The following USP24 variants were observed in gnomAD, a reference collection of about 807,000 sequenced individuals.
The protein encoded by USP24 is ubiquitin carboxyl-terminal hydrolase 24.
In USP24, 97 loss-of-function variants were observed where a neutral mutation model predicts 361.6. That is an observed-to-expected ratio of 0.27 (90% CI 0.23 to 0.32). USP24 has a LOEUF of 0.32. Among genes scored for constraint, USP24 ranks in the 10% least tolerant of loss-of-function variants. The pLI is 1.00. For synonymous variants in USP24, 1,098 were observed against 1,124.6 expected (o/e 0.98, Z 0.47); for missense variants, 2,353 against 3,165.6 (o/e 0.74, Z 6.16).
In USP24 at chr1:55,134,126, G is replaced by A; in HGVS notation, c.3325C>T (p.Pro1109Ser). ...LRVRKLLLLI[P>S]TDPAIQEALD... ...GCTTCCTGAATGGCTGGATCAGTGGGTATCAAGAGCAGAAGCTTCCGTACT... is the reference window on the plus strand; with the variant it reads ...GCTTCCTGAATGGCTGGATCAGTGGATATCAAGAGCAGAAGCTTCCGTACT... Residue 1109 changes from proline (P) to serine (S), a missense_variant, in exon 30 of 68, where the codon CCC becomes TCC. Transcript: ENST00000294383. 6.2e-7 allele frequency: 1 copy of A among 1,613,726 alleles called. No individual in the cohort carries two copies. Among genetic ancestry groups the A allele is most frequent in the South Asian group, 1.1e-5 (1 of 91,066 alleles).
chr1:55,073,840 G>A lies in USP24; in HGVS notation c.7514C>T (p.Thr2505Ile), dbSNP rs1644967806. 2 of 1,574,912 alleles carry A rather than the reference G, an allele frequency of 1.3e-6. No homozygotes were observed. Among genetic ancestry groups the A allele is most frequent in the East Asian group, 4.6e-5 (2 of 43,176 alleles). Reference protein sequence around the residue: ...RCYQCVKFLVTLAQKCPAAKE... With the variant: ...RCYQCVKFLVILAQKCPAAKE... Reference sequence around the variant, plus strand: ...ATTCAATACTTACTTTTGAGCAAGAGTGACAAGAAATTTGACACACTGGTA... The same window carrying A: ...ATTCAATACTTACTTTTGAGCAAGAATGACAAGAAATTTGACACACTGGTA... The change falls in exon 64 of 68, where the codon ACT (threonine) becomes ATT (isoleucine). Residue 2505 changes from threonine (T) to isoleucine (I), a missense_variant. Physicochemically the swap from Thr to Ile is moderately conservative, Grantham distance 89 (BLOSUM62 -1). Coordinates refer to ENST00000294383, the MANE Select transcript of USP24 (RefSeq NM_015306.3).
intron 21 of USP24, 42 bp from the exon 22 acceptor site, chr1:55,143,161 A>T (rs753297319): frequency 7.3e-7 from 1 of 1,376,634 alleles, no homozygotes; most frequent in Non-Finnish European, 9.6e-7. Context: ...GCATATCAAG[A>T]TCACAAAGTT....
chr1:55,188,964 C>CAAAAAAAAAAAAAAAAAAAAAAAA (rs533085761), intron 1 of USP24, among the ~76,000 whole-genome samples: 4 of 74,418 alleles, frequency 5.4e-5, no homozygotes, highest in African/African-American at 1.4e-4. Context: ...AACTCCATCT[C>CAAAAAAAAAAAAAAAAAAAAAAAA]AAAAAAAAAA....
intron 24 of USP24, among the ~76,000 whole-genome samples, chr1:55,140,716 T>C (rs1477953984): frequency 6.6e-6 from 1 of 152,160 alleles, no homozygotes; most frequent in Non-Finnish European, 1.5e-5. Context: ...TACCCATCAC[T>C]AGAGGGCAGC....
rs1648396582 is a variant in USP24, at chr1:55,162,505, T to C, written c.928-241A>G. ...TCAGAATATGTCAATAAAACATCTT[T>C]GGAGAATTAGATAAAATGATTTTAA... On this transcript the variant is annotated intron_variant, in intron 7 of 67. Coordinates refer to ENST00000294383, the MANE Select transcript of USP24 (RefSeq NM_015306.3). 2.0e-5 allele frequency among the ~76,000 whole-genome samples: 3 copies of C among 152,168 alleles called. No homozygotes were observed. The South Asian group carries it at 6.2e-4, about 31-fold the overall frequency.
chr1:55,154,496 T>A, intron 13 of USP24, 30 bp from the exon 14 acceptor site: 1 of 1,543,434 alleles, frequency 6.5e-7, no homozygotes, highest in Non-Finnish European at 8.7e-7. Flanking sequence ...CAGGAATTGC[T>A]TCACGATCAA....
intron 41 of USP24, among the ~76,000 whole-genome samples, chr1:55,105,398 A>G (rs953978050): frequency 2.6e-5 from 4 of 152,214 alleles, no homozygotes; most frequent in African/African-American, 9.6e-5. Flanking sequence ...GTGATAAGAT[A>G]CCTCTTAGGA....
At chr1:55,157,892 C>T (rs528524785) in intron 10 of USP24, among the ~76,000 whole-genome samples, 1 of 151,792 alleles carries the variant, frequency 6.6e-6, no homozygotes, top group East Asian at 1.9e-4. Context: ...CCCTGGACCA[C>T]TGCTAATTGG....
intron 1 of USP24, among the ~76,000 whole-genome samples, chr1:55,201,287 C>T (rs1010153061): frequency 2.0e-5 from 3 of 151,996 alleles, no homozygotes; most frequent in African/African-American, 7.2e-5. Context: ...CCAGGAAATA[C>T]AGAAAACCAG....
intron 55 of USP24, 35 bp downstream of exon 55, chr1:55,089,592 C>A: frequency 2.1e-6 from 3 of 1,442,384 alleles, no homozygotes; most frequent in Non-Finnish European, 1.9e-6. Context: ...GGAAGAGACA[C>A]AAATTTCTTT....
At chr1:55,093,643 T>C (rs1645431052) in intron 52 of USP24, 2 of 264,636 alleles carry the variant, frequency 7.6e-6, no homozygotes, top group Admixed American at 9.6e-5. Context: ...CACGATTTCT[T>C]TACTGCCCAC....
At chr1:55,114,474 G>C (rs1384302578) in intron 38 of USP24, among the ~76,000 whole-genome samples, 2 of 152,122 alleles carry the variant, frequency 1.3e-5, no homozygotes, top group Non-Finnish European at 2.9e-5. Flanking sequence ...GAGGCATCAT[G>C]CTACCTGACT....
rs546147885 is a variant in USP24, at chr1:55,067,776, C to T, written c.*1269G>A. On this transcript the variant is annotated 3_prime_UTR_variant, in exon 68 of 68. Transcript: ENST00000294383. ...GGCAAAACAGGGCCGAAAATGTGAG[C>T]AATTCAAAATACAAAATGTACAAAA... 6.6e-6 allele frequency: 1 copy of T among 152,258 alleles called. No individual in the cohort carries two copies. The highest frequency in any genetic ancestry group is 1.9e-4 in the East Asian group (1 of 5,184). 9.4% of individuals were successfully genotyped at this position (152,258 alleles called of 1,614,324 possible). A position where few individuals can be genotyped will look rare whatever the true frequency, so the allele number is the denominator to read the frequency against.
intron 1 of USP24, among the ~76,000 whole-genome samples, chr1:55,205,264 A>G (rs1644676821): frequency 6.6e-6 from 1 of 152,236 alleles, no homozygotes; most frequent in African/African-American, 2.4e-5. Flanking sequence ...AGGTCAATCA[A>G]AATACACACT....
intron 9 of USP24, 36 bp downstream of exon 9, chr1:55,159,574 TG>T: frequency 6.5e-7 from 1 of 1,536,366 alleles, no homozygotes; most frequent in Non-Finnish European, 8.8e-7. Context: ...GTGAACTAAC[TG>T]GCACTGGGGC....
At chr1:55,142,070 A>G (rs1024999073) in intron 23 of USP24, among the ~76,000 whole-genome samples, 2 of 152,340 alleles carry the variant, frequency 1.3e-5, no homozygotes, top group South Asian at 4.1e-4. Context: ...AGAAGTCACA[A>G]TTAGGGAAAT....
intron 36 of USP24, among the ~76,000 whole-genome samples, chr1:55,123,089 G>A (rs1646328862): frequency 1.3e-5 from 2 of 152,288 alleles, no homozygotes; most frequent in Middle Eastern, 3.4e-3. Flanking sequence ...CAAATCTTAA[G>A]TTACACAATT....
intron 19 of USP24, among the ~76,000 whole-genome samples, chr1:55,146,472 T>C (rs1207266333): frequency 6.6e-6 from 1 of 152,126 alleles, no homozygotes; most frequent in Non-Finnish European, 1.5e-5. Flanking sequence ...AAAATGAAAT[T>C]TACTCCTAGA....
chr1:55,182,128 A>G (rs1263100341), intron 1 of USP24, among the ~76,000 whole-genome samples: 2 of 152,090 alleles, frequency 1.3e-5, no homozygotes, highest in African/African-American at 4.8e-5. Context: ...CTCAGCTCAC[A>G]GCAACTTCCG....
Sources: allele counts gnomAD v4.1 joint callset (sites outside exome capture counted in the v4.1 genomes callset), GRCh38; gene constraint gnomAD v4.1.1; transcripts MANE v1.5; gene names NCBI Gene and HGNC (gene_info 2026-07-23, HGNC 2026-07-21).